Variants in ZNF45 observed in about 807,000 individuals in gnomAD.
ZNF45 encodes the protein BRC1744.
ZNF45 carries 4 observed loss-of-function variants against 12.0 expected under a neutral mutation model. That is an observed-to-expected ratio of 0.33 (90% CI 0.16 to 0.76). ZNF45 has a LOEUF of 0.76. Among genes scored for constraint, ZNF45 ranks in the 30% least tolerant of loss-of-function variants. The pLI is 0.60. For synonymous variants in ZNF45, 272 were observed against 279.6 expected, an observed-to-expected ratio of 0.97 and a Z score of 0.27; for missense variants, 700 against 813.0, an observed-to-expected ratio of 0.86 and a Z score of 1.69.
chr19:43,933,323 G>C (rs1974281575), intron 2 of ZNF45, among the ~76,000 whole-genome samples: 1 of 152,094 alleles, frequency 6.6e-6, no homozygotes, highest in South Asian at 2.1e-4. Flanking sequence ...ACAAAAATTA[G>C]CAGGGCGTGG....
chr19:43,913,239 C>T lies in ZNF45; in HGVS notation c.*148G>A. On this transcript the variant is annotated 3_prime_UTR_variant, in exon 10 of 10. Coordinates refer to ENST00000269973, the MANE Select transcript of ZNF45 (RefSeq NM_003425.4). ...AATGGTCAATGTTCTGAATGCAGTCCATATGTCTCCACTCTTGTGAGGCTT... is the reference window on the plus strand; with the variant it reads ...AATGGTCAATGTTCTGAATGCAGTCTATATGTCTCCACTCTTGTGAGGCTT... 1.2e-6 allele frequency: 1 copy of T among 819,842 alleles called. No homozygotes were observed. Among genetic ancestry groups the T allele is most frequent in the Non-Finnish European group, 1.9e-6 (1 of 537,826 alleles). The allele number at this position is 819,842 out of a possible 1,614,324, so 50.8% of individuals were successfully genotyped here.
chr19:43,927,815 C>G lies in ZNF45; in HGVS notation c.-399-2357G>C, dbSNP rs551858835. On this transcript the variant is annotated intron_variant, in intron 3 of 9. Coordinates refer to ENST00000269973, the MANE Select transcript of ZNF45 (RefSeq NM_003425.4). ...AAGACATGGAATCAACCTAAATGCC[C>G]GTCGATAGCAGTCTGGATAAAGAAA... Among the ~76,000 whole-genome samples the G allele has an allele frequency of 2.6e-5, 4 of 151,970 alleles. No homozygotes were observed. In the South Asian group the frequency reaches 8.3e-4, roughly 32 times the overall value.
At chr19:43,924,818 ATACC>A (rs1973536143) in intron 4 of ZNF45, among the ~76,000 whole-genome samples, 1 of 152,216 alleles carries the variant, frequency 6.6e-6, no homozygotes, top group Non-Finnish European at 1.5e-5. Flanking sequence ...TGTAATAATA[ATACC>A]TACTTCATAG....
At chr19:43,929,593 C>CT (rs917520413) in intron 3 of ZNF45, among the ~76,000 whole-genome samples, 1 of 152,140 alleles carries the variant, frequency 6.6e-6, no homozygotes. Flanking sequence ...CAGTGGAACT[C>CT]TAAGTATTAA....
chr19:43,925,459 C>G lies in ZNF45; in HGVS notation c.-399-1G>C, dbSNP rs1019040086. ...TAGCTCTCAGGGTATGATTCTGATT[C>G]TATGGAGGGTGGAAACGAGTAAAAT... On this transcript the variant is annotated splice_acceptor_variant, in intron 3 of 9. Transcript: ENST00000269973. LOFTEE classifies it low-confidence loss of function (5UTR_SPLICE). The G allele has an allele frequency of 2.6e-5, 4 of 152,062 alleles. No homozygotes were observed. Among genetic ancestry groups the G allele is most frequent in the Non-Finnish European group, 4.4e-5 (3 of 68,022 alleles). The allele number at this position is 152,062 out of a possible 1,614,324, so 9.4% of individuals were successfully genotyped here. A position where few individuals can be genotyped will look rare whatever the true frequency, so the allele number is the denominator to read the frequency against.
Position 43,929,643 on chromosome 19 carries a change from C to T in ZNF45, c.-400+2961G>A, listed in dbSNP as rs116264639. On this transcript the variant is annotated intron_variant, in intron 3 of 9. Coordinates refer to ENST00000269973, the MANE Select transcript of ZNF45 (RefSeq NM_003425.4). ...GCATTAATCTCTCCATGTTGTCACT[C>T]AGCCGCTTTTATAAAATTAAGACTT... Among the ~76,000 whole-genome samples the T allele has an allele frequency of 3.8e-3, 577 of 152,298 alleles. 6 individuals carry two copies. The highest frequency in any genetic ancestry group is 0.013 in the African/African-American group (542 of 41,544).
chr19:43,923,466 G>A (rs975599507), intron 6 of ZNF45, among the ~76,000 whole-genome samples: 3 of 152,050 alleles, frequency 2.0e-5, no homozygotes, highest in African/African-American at 7.2e-5. Flanking sequence ...TATAAATTAA[G>A]CTTTATCATA....
In ZNF45 at chr19:43,913,868, G is replaced by A; in HGVS notation, c.1568C>T (p.Thr523Ile). 6.2e-7 allele frequency: 1 copy of A among 1,613,790 alleles called. No individual in the cohort carries two copies. The highest frequency in any genetic ancestry group is 1.3e-5 in the African/African-American group (1 of 74,968). ...TGCACACTGATATGGTTTCTCTCCA[G>A]TGTGAACTCTCTGATGCACCTGAAG... ...SSLQVHQRVH[T>I]GEKPYQCAEC... The change falls in exon 10 of 10, where the codon ACT (threonine) becomes ATT (isoleucine). Residue 523 changes from threonine (T) to isoleucine (I), a missense_variant. Coordinates refer to ENST00000269973, the MANE Select transcript of ZNF45 (RefSeq NM_003425.4).
chr19:43,922,140 A>G (rs377288497), intron 7 of ZNF45, 31 bp downstream of exon 7: 39 of 1,607,114 alleles, frequency 2.4e-5, no homozygotes, highest in Non-Finnish European at 3.1e-5. Context: ...TGAGATGACA[A>G]TTATTACGGA....
chr19:43,933,397 T>C (rs1272035399), intron 2 of ZNF45, among the ~76,000 whole-genome samples: 4 of 152,060 alleles, frequency 2.6e-5, no homozygotes, highest in Non-Finnish European at 5.9e-5. Context: ...GAGGTTGCAG[T>C]GAGCTGAGAT....
intron 3 of ZNF45, among the ~76,000 whole-genome samples, chr19:43,927,670 GACCTC>G (rs1973797468): frequency 1.3e-5 from 2 of 152,136 alleles, no homozygotes; most frequent in African/African-American, 4.8e-5. Context: ...TTTGAACAGA[GACCTC>G]AAATATAGGA....
chr19:43,933,615 G>T (rs1010954710), intron 2 of ZNF45, among the ~76,000 whole-genome samples: 6 of 152,162 alleles, frequency 3.9e-5, no homozygotes, highest in African/African-American at 1.4e-4. Flanking sequence ...GTACATAAGA[G>T]TTCATTATAT....
At chr19:43,928,745 A>G (rs1402229796) in intron 3 of ZNF45, among the ~76,000 whole-genome samples, 1 of 152,262 alleles carries the variant, frequency 6.6e-6, no homozygotes, top group African/African-American at 2.4e-5. Flanking sequence ...ACAAACTGCA[A>G]GCTTCTCTTT....
intron 3 of ZNF45, among the ~76,000 whole-genome samples, chr19:43,927,379 G>C (rs1973770112): frequency 6.6e-6 from 1 of 152,156 alleles, no homozygotes; most frequent in Non-Finnish European, 1.5e-5. Context: ...ACACCATGTG[G>C]ATCAGGGCCT....
Position 43,913,276 on chromosome 19 carries a change from G to T in ZNF45, c.*111C>A. The stretch of plus-strand genomic sequence containing the variant: ...CTCTTGTGAGGCTTCTCTGCTGTGT[G>T]GTCTCCCAATCACTTGGCTGAACTA... On this transcript the variant is annotated 3_prime_UTR_variant, in exon 10 of 10. Coordinates refer to ENST00000269973, the MANE Select transcript of ZNF45 (RefSeq NM_003425.4). 1.6e-6 allele frequency: 2 copies of T among 1,273,866 alleles called. No homozygotes were observed. The highest frequency in any genetic ancestry group is 1.5e-5 in the South Asian group (1 of 64,888). 78.9% of individuals were successfully genotyped at this position (1,273,866 alleles called of 1,614,324 possible).
intron 9 of ZNF45, among the ~76,000 whole-genome samples, chr19:43,917,056 T>C (rs1972742473): frequency 6.6e-6 from 1 of 152,234 alleles, no homozygotes; most frequent in Non-Finnish European, 1.5e-5. Context: ...GATGTAAATA[T>C]ATTTTTCTAT....
chr19:43,916,534 ACTATAT>A (rs1476831241), intron 9 of ZNF45, among the ~76,000 whole-genome samples: 1 of 152,134 alleles, frequency 6.6e-6, no homozygotes. Flanking sequence ...CCTCTGACAA[ACTATAT>A]ATGTCCCTTA....
At chr19:43,922,256 A>C (rs547404256) in intron 6 of ZNF45, 39 bp from the exon 7 acceptor site, 1 of 1,463,314 alleles carries the variant, frequency 6.8e-7, no homozygotes, top group African/African-American at 1.4e-5. Context: ...AAGGAGAAAA[A>C]AGCCATGAGA....
At position 43,922,052 on chromosome 19, in the gene ZNF45, A is replaced by C. The variant is rs985362842; in HGVS notation, c.15+119T>G. ...GTAAAAAGCAGCAAGCATTTGGCAC[A>C]CAAGAGGTTCTCAAATGTCTACCGT... On this transcript the variant is annotated intron_variant, in intron 7 of 9. Coordinates refer to ENST00000269973, the MANE Select transcript of ZNF45 (RefSeq NM_003425.4). 4 of 987,404 alleles carry C rather than the reference A, an allele frequency of 4.1e-6. No individual in the cohort carries two copies. In the African/African-American group the frequency reaches 4.8e-5, roughly 12 times the overall value. 61.2% of individuals were successfully genotyped at this position (987,404 alleles called of 1,614,324 possible).
Sources: gnomAD v4.1 joint callset for allele counts (sites outside exome capture counted in the v4.1 genomes callset) on GRCh38, gnomAD v4.1.1 for gene constraint, MANE v1.5 for transcripts, NCBI Gene and HGNC (gene_info 2026-07-23, HGNC 2026-07-21) for gene names.